Variants in PPFIA2 observed in about 807,000 individuals in gnomAD.
PPFIA2 encodes the protein PPFI scaffold protein A2.
In PPFIA2, 46 loss-of-function variants were observed where a neutral mutation model predicts 175.5. That is an observed-to-expected ratio of 0.26 (90% CI 0.21 to 0.34). The LOEUF (loss-of-function observed/expected upper bound fraction) is 0.34, where lower values mean the gene tolerates loss of function less well. PPFIA2 is among the 10% of genes least tolerant of loss of function. The pLI, the probability that PPFIA2 is intolerant of heterozygous loss-of-function variation, is 1.00. For missense variants in PPFIA2, 1,179 were observed against 1,506.1 expected (o/e 0.78, Z 3.60); for synonymous variants, 568 against 511.4 (o/e 1.11, Z -1.49).
At chr12:81,705,571 T>C (rs531363153) in intron 3 of PPFIA2, among the ~76,000 whole-genome samples, 1 of 151,720 alleles carries the variant, frequency 6.6e-6, no homozygotes, top group South Asian at 2.1e-4. Flanking sequence ...GAACCTCAAA[T>C]CAATATACAT....
Position 81,259,534 on chromosome 12 carries a change from C to G in PPFIA2, c.*160G>C, listed in dbSNP as rs11114808. The stretch of plus-strand genomic sequence containing the variant: ...AATATCTGACTCCCCCCAAAAATCA[C>G]ATTTTTCAGCTTTTAATAAGTCATG... On this transcript the variant is annotated 3_prime_UTR_variant, in exon 33 of 33. Coordinates refer to ENST00000549396, the MANE Select transcript of PPFIA2 (RefSeq NM_003625.5). The G allele has an allele frequency of 0.2, 243,182 of 1,202,318 alleles. 25,394 individuals carry two copies. The highest frequency in any genetic ancestry group is 0.22 in the Non-Finnish European group (185,781 of 857,104). The allele number at this position is 1,202,318 out of a possible 1,614,324, so 74.5% of individuals were successfully genotyped here.
At chr12:81,636,726 C>G (rs934213988) in intron 4 of PPFIA2, among the ~76,000 whole-genome samples, 1 of 152,068 alleles carries the variant, frequency 6.6e-6, no homozygotes, top group South Asian at 2.1e-4. Context: ...AAGCTCAGCT[C>G]GCTGCAACCT....
At chr12:81,635,731 AG>A (rs1197753108) in intron 4 of PPFIA2, among the ~76,000 whole-genome samples, 1 of 152,182 alleles carries the variant, frequency 6.6e-6, no homozygotes, top group Non-Finnish European at 1.5e-5. Flanking sequence ...GCTCCCTCAC[AG>A]AAAAAAAAGC....
intron 21 of PPFIA2, among the ~76,000 whole-genome samples, chr12:81,337,700 T>C (rs1250646112): frequency 1.3e-5 from 2 of 152,128 alleles, no homozygotes; most frequent in Non-Finnish European, 2.9e-5. Context: ...AAGATGAATA[T>C]ATATGTTGAA....
intron 28 of PPFIA2, among the ~76,000 whole-genome samples, chr12:81,272,684 T>C (rs746468978): frequency 1.2e-4 from 18 of 152,202 alleles, no homozygotes; most frequent in Non-Finnish European, 1.9e-4. Context: ...TTATCTGACA[T>C]GTCTGAATTT....
Position 81,660,853 on chromosome 12 carries a change from C to G in PPFIA2, c.303+15938G>C, listed in dbSNP as rs141017196. On this transcript the variant is annotated intron_variant, in intron 4 of 32. Transcript: ENST00000549396. The stretch of plus-strand genomic sequence containing the variant: ...ATCAGACTAACAGTGGATCTCTCGG[C>G]AGAAACTCTACAAGCCAGATGAGAG... Among the ~76,000 whole-genome samples the G allele has an allele frequency of 2.8e-3, 420 of 152,324 alleles. 1 individual carries two copies. Among genetic ancestry groups the G allele is most frequent in the Non-Finnish European group, 4.4e-3 (296 of 68,036 alleles).
intron 28 of PPFIA2, among the ~76,000 whole-genome samples, chr12:81,272,527 T>G (rs965583206): frequency 1.1e-4 from 17 of 151,106 alleles, no homozygotes; most frequent in African/African-American, 3.9e-4. Context: ...TTTGATTATT[T>G]GTTAAACATA....
At chr12:81,642,709 T>TATATTATATACATACAC (rs2065273134) in intron 4 of PPFIA2, among the ~76,000 whole-genome samples, 2 of 109,364 alleles carry the variant, frequency 1.8e-5, no homozygotes, top group African/African-American at 3.0e-5. Flanking sequence ...TGTATATGTA[T>TATATTATATACATACAC]GTATGTATTA....
At chr12:81,479,059 T>C (rs1326785985) in intron 4 of PPFIA2, among the ~76,000 whole-genome samples, 4 of 152,174 alleles carry the variant, frequency 2.6e-5, no homozygotes, top group Non-Finnish European at 5.9e-5. Flanking sequence ...TCTAAGTCTC[T>C]TTCTAGGTCT....
At chr12:81,417,445 G>A (rs2045500350) in intron 7 of PPFIA2, 1 of 151,506 alleles carries the variant, frequency 6.6e-6, no homozygotes, top group South Asian at 2.1e-4. Flanking sequence ...TGGCAAAGAA[G>A]AGAGTTTTAG....
intron 5 of PPFIA2, among the ~76,000 whole-genome samples, chr12:81,450,394 T>G (rs995968072): frequency 5.3e-5 from 8 of 152,224 alleles, no homozygotes; most frequent in Non-Finnish European, 1.0e-4. Context: ...TGGCCAGTGA[T>G]GGTGAGCATT....
chr12:81,520,599 C>T (rs1008328588), intron 4 of PPFIA2, among the ~76,000 whole-genome samples: 2 of 152,060 alleles, frequency 1.3e-5, no homozygotes, highest in Non-Finnish European at 2.9e-5. Context: ...TACTTGTCAC[C>T]TACTACATGT....
intron 8 of PPFIA2, among the ~76,000 whole-genome samples, chr12:81,403,420 A>G (rs894038295): frequency 2.0e-5 from 3 of 152,162 alleles, no homozygotes; most frequent in Non-Finnish European, 4.4e-5. Context: ...TACATTCTCT[A>G]ATGTCTGCAT....
chr12:81,370,813 T>C (rs2034889060), intron 11 of PPFIA2, among the ~76,000 whole-genome samples: 1 of 151,924 alleles, frequency 6.6e-6, no homozygotes, highest in Non-Finnish European at 1.5e-5. Context: ...TCATTGCAAG[T>C]TAAGTAATTA....
chr12:81,385,639 C>T (rs1426148547), intron 8 of PPFIA2, among the ~76,000 whole-genome samples: 2 of 152,054 alleles, frequency 1.3e-5, no homozygotes, highest in Non-Finnish European at 2.9e-5. Context: ...CCTCGCTTAT[C>T]TGTAGAATCT....
chr12:81,665,047 GC>G (rs2069860271), intron 4 of PPFIA2, among the ~76,000 whole-genome samples: 1 of 151,684 alleles, frequency 6.6e-6, no homozygotes, highest in African/African-American at 2.4e-5. Context: ...TCGGGTGGGG[GC>G]AGGGGGGAGG....
chr12:81,483,513 G>T (rs987159656), intron 4 of PPFIA2, among the ~76,000 whole-genome samples: 2 of 152,102 alleles, frequency 1.3e-5, no homozygotes, highest in Admixed American at 6.6e-5. Flanking sequence ...CCTGGTAGTT[G>T]CCAGGGCCTT....
chr12:81,483,792 T>C (rs943101834), intron 4 of PPFIA2, among the ~76,000 whole-genome samples: 1 of 152,128 alleles, frequency 6.6e-6, no homozygotes, highest in African/African-American at 2.4e-5. Context: ...TGAAGTTTAA[T>C]ATTTTCAATT....
intron 4 of PPFIA2, among the ~76,000 whole-genome samples, chr12:81,649,974 A>G (rs574476470): frequency 6.6e-6 from 1 of 152,086 alleles, no homozygotes; most frequent in South Asian, 2.1e-4. Flanking sequence ...AGAACTACAT[A>G]CATTTTTCAA....
Sources: allele counts gnomAD v4.1 joint callset (sites outside exome capture counted in the v4.1 genomes callset), GRCh38; gene constraint gnomAD v4.1.1; transcripts MANE v1.5; gene names NCBI Gene and HGNC (gene_info 2026-07-23, HGNC 2026-07-21).